Variants in SH3GL3 observed in about 807,000 individuals in gnomAD.
SH3GL3 encodes endophilin-A3.
A neutral mutation model predicts 47.7 loss-of-function variants in SH3GL3; 33 were observed. The ratio of observed to expected loss-of-function variants is 0.69; its 90% CI spans 0.52 to 0.92. The LOEUF (loss-of-function observed/expected upper bound fraction) is 0.92, where lower values mean the gene tolerates loss of function less well. SH3GL3 is among the 40% of genes least tolerant of loss of function. The probability of loss-of-function intolerance (pLI) is 0.00; values close to 1 mark genes in which losing one functional copy is unlikely to be tolerated. For synonymous variants in SH3GL3, 155 were observed against 148.8 expected, an observed-to-expected ratio of 1.04 and a Z score of -0.30; for missense variants, 363 against 417.8, an observed-to-expected ratio of 0.87 and a Z score of 1.14.
intron 4 of SH3GL3, 149 bp downstream of exon 4, chr15:83,568,821 G>T: frequency 1.9e-6 from 1 of 539,884 alleles, no homozygotes; most frequent in Non-Finnish European, 3.2e-6. Flanking sequence ...AGAAAACATA[G>T]GTAAGTAAAA....
intron 8 of SH3GL3, among the ~76,000 whole-genome samples, chr15:83,613,620 A>AATCTATCT (rs71453208): frequency 2.0e-3 from 294 of 146,914 alleles, no homozygotes; most frequent in East Asian, 3.5e-3. Context: ...GAAATATATA[A>AATCTATCT]ATCTATCTAT....
intron 8 of SH3GL3, among the ~76,000 whole-genome samples, chr15:83,605,187 G>C (rs2060484240): frequency 1.3e-5 from 2 of 152,188 alleles, no homozygotes; most frequent in African/African-American, 4.8e-5. Flanking sequence ...ACTCTACTGT[G>C]TGCCACTGTG....
intron 6 of SH3GL3, among the ~76,000 whole-genome samples, chr15:83,581,743 A>AT (rs1360539683): frequency 6.6e-6 from 1 of 152,140 alleles, no homozygotes; most frequent in Non-Finnish European, 1.5e-5. Flanking sequence ...AGTTTTATCT[A>AT]TTTTCTCATC....
At chr15:83,527,529 C>T (rs1602536) in intron 1 of SH3GL3, among the ~76,000 whole-genome samples, 123,977 of 152,116 alleles carry the variant, frequency 0.82, 50,763 homozygotes, top group South Asian at 0.89. Context: ...TAAATATAGC[C>T]ATTCCTGCTC....
intron 1 of SH3GL3, among the ~76,000 whole-genome samples, chr15:83,533,400 T>C (rs971325862): frequency 6.6e-6 from 1 of 152,124 alleles, no homozygotes; most frequent in African/African-American, 2.4e-5. Context: ...AAGGGGTTCA[T>C]ATAGGAGCTT....
Position 83,456,120 on chromosome 15 carries a change from C to T in SH3GL3, c.45+8542C>T, listed in dbSNP as rs1445477136. Among the ~76,000 whole-genome samples the T allele has an allele frequency of 6.8e-5, 6 of 88,456 alleles. 1 individual carries two copies. In the East Asian group the frequency reaches 2.8e-3, roughly 41 times the overall value. 58.0% of individuals were successfully genotyped at this position (88,456 alleles called of 152,430 possible). On this transcript the variant is annotated intron_variant, in intron 1 of 8. Transcript: ENST00000427482. The stretch of plus-strand genomic sequence containing the variant: ...GGGGGTGCCTCCCAGTTAGGCTGCT[C>T]GGGGGTCAGGGGTCAGGGACCCACT...
intron 8 of SH3GL3, among the ~76,000 whole-genome samples, chr15:83,591,130 C>A (rs1305481653): frequency 6.6e-6 from 1 of 152,156 alleles, no homozygotes; most frequent in African/African-American, 2.4e-5. Context: ...GCCTCAGCCT[C>A]CTGAGTAGCT....
intron 1 of SH3GL3, among the ~76,000 whole-genome samples, chr15:83,531,627 T>C (rs1232918341): frequency 1.3e-5 from 2 of 152,158 alleles, no homozygotes; most frequent in Non-Finnish European, 2.9e-5. Context: ...CTTTGGGGAA[T>C]AGCATTATTC....
At chr15:83,482,166 G>T (rs1189543201) in intron 1 of SH3GL3, among the ~76,000 whole-genome samples, 1 of 151,998 alleles carries the variant, frequency 6.6e-6, no homozygotes, top group Non-Finnish European at 1.5e-5. Flanking sequence ...TTTGTGAATT[G>T]CCTTTTGATA....
At chr15:83,577,885 G>C (rs914509262) in intron 6 of SH3GL3, among the ~76,000 whole-genome samples, 5 of 152,252 alleles carry the variant, frequency 3.3e-5, no homozygotes, top group Non-Finnish European at 4.4e-5. Flanking sequence ...TGGCAAGGCA[G>C]ATGGTTAAGG....
intron 8 of SH3GL3, among the ~76,000 whole-genome samples, chr15:83,602,902 T>C (rs577992372): frequency 1.3e-5 from 2 of 152,316 alleles, no homozygotes; most frequent in East Asian, 3.9e-4. Flanking sequence ...GCTACCTTCT[T>C]TGACATCTGT....
At chr15:83,557,785 T>G (rs1430293310) in intron 1 of SH3GL3, among the ~76,000 whole-genome samples, 2 of 152,188 alleles carry the variant, frequency 1.3e-5, no homozygotes, top group Non-Finnish European at 2.9e-5. Context: ...GGCTTGTTTC[T>G]GTGGGGTCAA....
At chr15:83,562,970 T>C (rs2045358042) in intron 2 of SH3GL3, among the ~76,000 whole-genome samples, 1 of 152,208 alleles carries the variant, frequency 6.6e-6, no homozygotes, top group Non-Finnish European at 1.5e-5. Context: ...ATCAGTAATA[T>C]AGGTTTGACT....
chr15:83,527,493 T>C (rs956417092), intron 1 of SH3GL3, among the ~76,000 whole-genome samples: 1 of 152,192 alleles, frequency 6.6e-6, no homozygotes, highest in Non-Finnish European at 1.5e-5. Flanking sequence ...TTACTGTTTT[T>C]GACTTAAAGT....
intron 1 of SH3GL3, among the ~76,000 whole-genome samples, chr15:83,550,867 A>T (rs1596239135): frequency 6.6e-6 from 1 of 152,312 alleles, no homozygotes; most frequent in South Asian, 2.1e-4. Context: ...TGTGGCACAC[A>T]TACTGGAAAA....
chr15:83,477,367 G>T (rs1174181771), intron 1 of SH3GL3, among the ~76,000 whole-genome samples: 1 of 152,042 alleles, frequency 6.6e-6, no homozygotes, highest in Non-Finnish European at 1.5e-5. Flanking sequence ...GTCCCAGTTT[G>T]CTTTTCTTGC....
At chr15:83,514,171 A>C (rs1031873448) in intron 1 of SH3GL3, among the ~76,000 whole-genome samples, 1 of 152,198 alleles carries the variant, frequency 6.6e-6, no homozygotes, top group Non-Finnish European at 1.5e-5. Context: ...TTGCAATATA[A>C]TGAGATGTGA....
chr15:83,581,383 G>A lies in SH3GL3; in HGVS notation c.624+4642G>A, dbSNP rs186355298. 2.6e-3 allele frequency among the ~76,000 whole-genome samples: 393 copies of A among 152,332 alleles called. 1 individual carries two copies. The highest frequency in any genetic ancestry group is 6.7e-3 in the African/African-American group (278 of 41,584). On this transcript the variant is annotated intron_variant, in intron 6 of 8. Transcript: ENST00000427482. ...GCCAGCCCCTTGCTCAGAGAGCAGG[G>A]CTCTCTAGAAAGCCATGTTGGAAGG...
At chr15:83,578,018 A>G (rs1010916973) in intron 6 of SH3GL3, among the ~76,000 whole-genome samples, 2 of 152,230 alleles carry the variant, frequency 1.3e-5, no homozygotes, top group Non-Finnish European at 2.9e-5. Context: ...CAGCTGTTCC[A>G]TAGTGGTGCT....
Sources: allele counts gnomAD v4.1 joint callset (sites outside exome capture counted in the v4.1 genomes callset), GRCh38; gene constraint gnomAD v4.1.1; transcripts MANE v1.5; gene names NCBI Gene and HGNC (gene_info 2026-07-23, HGNC 2026-07-21).